PIKFYVE: variants seen among roughly 807,000 people sequenced by gnomAD.
The protein encoded by PIKFYVE is 1-phosphatidylinositol 3-phosphate 5-kinase.
PIKFYVE carries 122 observed loss-of-function variants against 257.9 expected under a neutral mutation model. The observed-to-expected ratio is 0.47, with a 90% CI of 0.41 to 0.55. The LOEUF (loss-of-function observed/expected upper bound fraction) is 0.55, where lower values mean the gene tolerates loss of function less well. Among genes scored for constraint, PIKFYVE ranks in the 20% least tolerant of loss-of-function variants. The pLI, the probability that PIKFYVE is intolerant of heterozygous loss-of-function variation, is 0.00. For missense variants in PIKFYVE, 2,160 were observed against 2,536.6 expected, an observed-to-expected ratio of 0.85 and a Z score of 3.19; for synonymous variants, 892 against 868.9, an observed-to-expected ratio of 1.03 and a Z score of -0.47.
At chr2:208,324,393 T>C in intron 18 of PIKFYVE, 111 bp downstream of exon 18, 1 of 1,170,992 alleles carries the variant, frequency 8.5e-7, no homozygotes, top group East Asian at 2.5e-5. Context: ...TCTATTTGTA[T>C]TGAAAGTGGG....
At chr2:208,274,134 G>C in intron 3 of PIKFYVE, 2 of 1,443,676 alleles carry the variant, frequency 1.4e-6, no homozygotes, top group Non-Finnish European at 9.6e-7. Flanking sequence ...TCTGGCTGCA[G>C]AACTCTGTCA....
intron 7 of PIKFYVE, among the ~76,000 whole-genome samples, chr2:208,297,712 C>T (rs1181643752): frequency 6.6e-6 from 1 of 152,142 alleles, no homozygotes; most frequent in Non-Finnish European, 1.5e-5. Flanking sequence ...TGTAGTCTAA[C>T]ATATCATAGG....
intron 5 of PIKFYVE, among the ~76,000 whole-genome samples, chr2:208,284,312 G>A (rs1691248745): frequency 6.7e-6 from 1 of 149,066 alleles, no homozygotes; most frequent in Non-Finnish European, 1.5e-5. Flanking sequence ...CCAGGCTGGA[G>A]TGCAGTGGCA....
At position 208,320,394 on chromosome 2, in the gene PIKFYVE, G is replaced by T. The variant is rs996285707; in HGVS notation, c.2190+35G>T. 6 of 1,604,392 alleles carry T rather than the reference G, an allele frequency of 3.7e-6. No individual in the cohort carries two copies. In the East Asian group the frequency reaches 6.7e-5, roughly 18 times the overall value. On this transcript the variant is annotated intron_variant, in intron 17 of 41. Transcript: ENST00000264380. ...TACTACTGAAAATAATAATTTAGAGGGATGTTTGTGTACCATGATGCTTAT... is the reference window on the plus strand; with the variant it reads ...TACTACTGAAAATAATAATTTAGAGTGATGTTTGTGTACCATGATGCTTAT...
At chr2:208,294,335 C>T (rs957823959) in intron 7 of PIKFYVE, among the ~76,000 whole-genome samples, 3 of 152,186 alleles carry the variant, frequency 2.0e-5, no homozygotes, top group East Asian at 3.9e-4. Flanking sequence ...TTCGCATTAA[C>T]ACCCTTAGCA....
At chr2:208,269,053 G>C (rs1223717587) in intron 1 of PIKFYVE, among the ~76,000 whole-genome samples, 1 of 152,106 alleles carries the variant, frequency 6.6e-6, no homozygotes, top group African/African-American at 2.4e-5. Context: ...AGAGTACCTT[G>C]GTTGCCTCAA....
chr2:208,316,714 G>A (rs376538445), intron 15 of PIKFYVE, among the ~76,000 whole-genome samples: 30 of 152,250 alleles, frequency 2.0e-4, no homozygotes, highest in African/African-American at 5.8e-4. Context: ...GAGGCATCAC[G>A]CTACCTGACT....
intron 23 of PIKFYVE, among the ~76,000 whole-genome samples, chr2:208,332,757 ATG>A (rs554748394): frequency 5.9e-5 from 9 of 151,860 alleles, no homozygotes; most frequent in East Asian, 3.9e-4. Context: ...ATATATGTAT[ATG>A]TGTGTGTGTG....
intron 17 of PIKFYVE, among the ~76,000 whole-genome samples, chr2:208,321,943 G>A (rs938334412): frequency 6.6e-6 from 1 of 152,146 alleles, no homozygotes; most frequent in African/African-American, 2.4e-5. Context: ...AACTGTAGCT[G>A]TTCTAGGTAT....
At chr2:208,337,015 T>C (rs7596571) in intron 28 of PIKFYVE, 87 bp downstream of exon 28, 982,901 of 986,678 alleles carry the variant, frequency 1, 489,642 homozygotes, top group East Asian at 1. Flanking sequence ...TAGTTTAATA[T>C]GTACTTTAGT....
At position 208,355,240 on chromosome 2, in the gene PIKFYVE, G is replaced by A; in HGVS notation, c.6232G>A (p.Glu2078Lys). ...SPELYRTRFC[E>K]AMDKYFLMVP... ...GGAGTTGTACAGGACTAGGTTTTGT[G>A]AGGCAATGGACAAGTATTTCCTAAT... Residue 2078 changes from glutamate (E) to lysine (K), a missense_variant, in exon 42 of 42, where the codon GAG becomes AAG. By Grantham distance (56) the Glu-to-Lys change is moderately conservative. This residue lies in a region of PIKFYVE where 38 missense variants were observed against 77.7 expected (regional missense o/e 0.49). Coordinates refer to ENST00000264380, the MANE Select transcript of PIKFYVE (RefSeq NM_015040.4). 1.2e-6 allele frequency: 2 copies of A among 1,614,058 alleles called. No homozygotes were observed. The highest frequency in any genetic ancestry group is 1.7e-6 in the Non-Finnish European group (2 of 1,179,916).
intron 22 of PIKFYVE, 138 bp from the exon 23 acceptor site, chr2:208,330,385 T>G (rs550608256): frequency 1.0e-6 from 1 of 967,752 alleles, no homozygotes; most frequent in Non-Finnish European, 1.6e-6. Flanking sequence ...GTGCTGTAGC[T>G]GAAGACGATG....
intron 8 of PIKFYVE, among the ~76,000 whole-genome samples, chr2:208,299,736 A>C (rs778138292): frequency 6.6e-6 from 1 of 152,188 alleles, no homozygotes. Context: ...TTAATACTAT[A>C]TGTTTATATG....
Position 208,301,076 on chromosome 2 carries a change from A to G in PIKFYVE, c.1190A>G (p.Asn397Ser), listed in dbSNP as rs756968499. 1 of 1,614,186 alleles carries G rather than the reference A, an allele frequency of 6.2e-7. No homozygotes were observed. Among genetic ancestry groups the G allele is most frequent in the South Asian group, 1.1e-5 (1 of 91,082 alleles). The part of the protein sequence containing the change: ...GKELVNWLIR[N>S]GHIATRAQAI... ...GAATTAGTCAACTGGCTAATCCGAA[A>G]TGGGCATATTGCCACAAGGTATTCT... Residue 397 changes from asparagine to serine, a missense_variant, in exon 9 of 42, where the codon AAT becomes AGT. Around this residue, in one of 12 missense-constraint regions of PIKFYVE, gnomAD observed 90 missense variants for 110.6 expected, o/e 0.81. Transcript: ENST00000264380.
intron 12 of PIKFYVE, among the ~76,000 whole-genome samples, chr2:208,306,257 A>G (rs1229137886): frequency 6.6e-6 from 1 of 152,232 alleles, no homozygotes; most frequent in African/African-American, 2.4e-5. Context: ...CAAAACAGAA[A>G]TTGGAAAAAT....
chr2:208,292,578 C>T (rs1036241011), intron 7 of PIKFYVE, among the ~76,000 whole-genome samples: 3 of 151,988 alleles, frequency 2.0e-5, no homozygotes, highest in Non-Finnish European at 2.9e-5. Context: ...GCTCTGAAGT[C>T]TGTTCTGCCT....
Position 208,335,362 on chromosome 2 carries a change from A to G in PIKFYVE, c.4199A>G (p.Lys1400Arg), listed in dbSNP as rs370287626. ...GTTCCACTCCCCAAAATATTCATTA[A>G]GCGTCAGGCCCCATTAAAAGTGTCC... ...VCVPLPKIFI[K>R]RQAPLKVSLL... is the part of the protein sequence containing the mutation. Residue 1400 changes from lysine (K) to arginine (R), a missense_variant, in exon 25 of 42, where the codon AAG becomes AGG. Transcript: ENST00000264380. The G allele has an allele frequency of 1.2e-5, 19 of 1,613,032 alleles. No individual in the cohort carries two copies. The highest frequency in any genetic ancestry group is 1.4e-5 in the Non-Finnish European group (17 of 1,179,256).
chr2:208,330,426 C>T, intron 22 of PIKFYVE, 97 bp from the exon 23 acceptor site: 1 of 1,415,062 alleles, frequency 7.1e-7, no homozygotes, highest in Middle Eastern at 1.8e-4. Flanking sequence ...AGCATGAGTA[C>T]CTTGTGCAGA....
intron 6 of PIKFYVE, among the ~76,000 whole-genome samples, chr2:208,288,414 C>T (rs1307990224): frequency 1.3e-5 from 2 of 152,146 alleles, no homozygotes; most frequent in Non-Finnish European, 2.9e-5. Flanking sequence ...CAAGATTTCC[C>T]TCCAAAATCA....
Sources: allele counts gnomAD v4.1 joint callset (sites outside exome capture counted in the v4.1 genomes callset), GRCh38; gene constraint gnomAD v4.1.1; regional missense constraint gnomAD v4.1.1; transcripts MANE v1.5; gene names NCBI Gene and HGNC (gene_info 2026-07-23, HGNC 2026-07-21).